Variants in CADM2 observed in about 807,000 individuals in gnomAD.
CADM2 encodes cell adhesion molecule 2, also known as immunoglobulin superfamily member 4D.
In CADM2, 12 loss-of-function variants were observed where a neutral mutation model predicts 49.8. The ratio of observed to expected loss-of-function variants is 0.24; its 90% CI spans 0.15 to 0.39. The LOEUF is 0.39. Ranked by LOEUF, CADM2 falls within the 10% of genes least tolerant of loss-of-function variation. The probability of loss-of-function intolerance (pLI) is 1.00; values close to 1 mark genes in which losing one functional copy is unlikely to be tolerated. For synonymous variants in CADM2, 214 were observed against 175.4 expected (o/e 1.22, Z -1.74); for missense variants, 378 against 492.3 (o/e 0.77, Z 2.20).
rs561372073 is a variant in CADM2 at position 85,913,531 on chromosome 3, A to T, written c.700+988A>T. Among the ~76,000 whole-genome samples, 563 of 152,238 alleles carry T rather than the reference A, an allele frequency of 3.7e-3. 2 individuals carry two copies. Among genetic ancestry groups the T allele is most frequent in the African/African-American group, 0.013 (539 of 41,560 alleles). On this transcript the variant is annotated intron_variant, in intron 6 of 9. Coordinates refer to ENST00000383699, the MANE Select transcript of CADM2 (RefSeq NM_001167675.2). ...GTTTCATTGCATTTTGTTTTCATTT[A>T]TTTATTCAACAATAATTTTTTAGTG... is the stretch of plus-strand genomic sequence containing the variant.
At chr3:85,650,200 C>G (rs1474911930) in intron 1 of CADM2, among the ~76,000 whole-genome samples, 1 of 152,138 alleles carries the variant, frequency 6.6e-6, no homozygotes, top group African/African-American at 2.4e-5. Flanking sequence ...AAAAGTGAAG[C>G]CTTCTGAAAA....
intron 1 of CADM2, among the ~76,000 whole-genome samples, chr3:85,144,339 G>A (rs2039668256): frequency 2.0e-5 from 3 of 151,940 alleles, no homozygotes; most frequent in South Asian, 4.2e-4. Flanking sequence ...TGCTGGGCGC[G>A]ATGGCTCACT....
chr3:85,552,570 C>G (rs928062829), intron 1 of CADM2, among the ~76,000 whole-genome samples: 1 of 151,582 alleles, frequency 6.6e-6, no homozygotes, highest in East Asian at 1.9e-4. Flanking sequence ...TTAGTAGAGA[C>G]GGGTTTTCAC....
At chr3:85,616,809 C>G (rs1226346830) in intron 1 of CADM2, among the ~76,000 whole-genome samples, 3 of 151,946 alleles carry the variant, frequency 2.0e-5, no homozygotes, top group Admixed American at 6.6e-5. Context: ...CTTGACTATG[C>G]CATTGGATAC....
intron 1 of CADM2, chr3:85,385,754 A>G (rs1170920719): frequency 6.6e-6 from 1 of 151,632 alleles, no homozygotes; most frequent in African/African-American, 2.4e-5. Context: ...TTTTGGACAT[A>G]GAAACATAAC....
intron 3 of CADM2, among the ~76,000 whole-genome samples, chr3:85,829,939 TA>T (rs1559687420): frequency 6.6e-6 from 1 of 152,010 alleles, no homozygotes; most frequent in African/African-American, 2.4e-5. Flanking sequence ...AGGTTAATTT[TA>T]CCTCTTGACT....
chr3:85,425,377 G>A (rs1337958592), intron 1 of CADM2, among the ~76,000 whole-genome samples: 1 of 152,086 alleles, frequency 6.6e-6, no homozygotes. Flanking sequence ...TTTAGTTGAT[G>A]CATAGTAATT....
At chr3:85,195,918 GA>G (rs2041333554) in intron 1 of CADM2, among the ~76,000 whole-genome samples, 2 of 152,034 alleles carry the variant, frequency 1.3e-5, no homozygotes, top group Non-Finnish European at 2.9e-5. Context: ...TGCAATATTT[GA>G]AATACAGTGA....
intron 1 of CADM2, among the ~76,000 whole-genome samples, chr3:85,616,727 CTTTAA>C (rs1325799622): frequency 1.3e-5 from 2 of 152,146 alleles, no homozygotes; most frequent in African/African-American, 2.4e-5. Context: ...TTTAATAAGA[CTTTAA>C]TTTAATACTA....
At chr3:86,008,093 C>T (rs1731011600) in intron 8 of CADM2, among the ~76,000 whole-genome samples, 1 of 152,042 alleles carries the variant, frequency 6.6e-6, no homozygotes, top group East Asian at 1.9e-4. Flanking sequence ...TCTCAAATAT[C>T]AAGTGTAAGC....
intron 1 of CADM2, among the ~76,000 whole-genome samples, chr3:85,422,189 T>A (rs1201599211): frequency 6.6e-6 from 1 of 152,250 alleles, no homozygotes; most frequent in African/African-American, 2.4e-5. Flanking sequence ...GTCGTTAATA[T>A]TTTTAAAGTT....
At chr3:85,380,443 T>A (rs1362213786) in intron 1 of CADM2, among the ~76,000 whole-genome samples, 1 of 151,936 alleles carries the variant, frequency 6.6e-6, no homozygotes, top group African/African-American at 2.4e-5. Flanking sequence ...AGAAGTTAAT[T>A]TACATACATA....
intron 6 of CADM2, among the ~76,000 whole-genome samples, chr3:85,930,707 T>C (rs1222334688): frequency 6.6e-6 from 1 of 152,022 alleles, no homozygotes; most frequent in East Asian, 1.9e-4. Context: ...GAACATGTGA[T>C]GTTTGTGTTT....
intron 1 of CADM2, among the ~76,000 whole-genome samples, chr3:85,658,727 G>T (rs1394242678): frequency 6.6e-6 from 1 of 150,382 alleles, no homozygotes; most frequent in East Asian, 2.0e-4. Flanking sequence ...TTCTATTAGT[G>T]TTCTTACAGC....
chr3:85,027,162 T>C (rs2034770666), intron 1 of CADM2, among the ~76,000 whole-genome samples: 2 of 125,104 alleles, frequency 1.6e-5, no homozygotes, highest in African/African-American at 3.1e-5. Flanking sequence ...TCACCCAGGC[T>C]GGAGTGTAGT....
intron 1 of CADM2, among the ~76,000 whole-genome samples, chr3:85,179,328 A>AC (rs1220344382): frequency 2.0e-5 from 3 of 152,020 alleles, no homozygotes; most frequent in Non-Finnish European, 2.9e-5. Context: ...TGAATTTAGT[A>AC]CAATTTTTAA....
intron 1 of CADM2, among the ~76,000 whole-genome samples, chr3:85,286,785 A>G (rs972360389): frequency 3.3e-5 from 5 of 152,182 alleles, no homozygotes; most frequent in Admixed American, 3.3e-4. Context: ...TTTTGGGTAC[A>G]TATTAAATGT....
chr3:85,816,373 G>A (rs1015945387), intron 3 of CADM2, among the ~76,000 whole-genome samples: 1 of 152,014 alleles, frequency 6.6e-6, no homozygotes, highest in African/African-American at 2.4e-5. Flanking sequence ...GCTTATAATA[G>A]GTGCCTCTAC....
At chr3:85,407,789 CT>C (rs2035459444) in intron 1 of CADM2, among the ~76,000 whole-genome samples, 1 of 151,904 alleles carries the variant, frequency 6.6e-6, no homozygotes, top group African/African-American at 2.4e-5. Flanking sequence ...TCTAGATGAG[CT>C]TGGTCAACAT....
Sources: allele counts gnomAD v4.1 joint callset (sites outside exome capture counted in the v4.1 genomes callset), GRCh38; gene constraint gnomAD v4.1.1; transcripts MANE v1.5; gene names NCBI Gene and HGNC (gene_info 2026-07-23, HGNC 2026-07-21).